Variants in TMEM33 observed in about 807,000 individuals in gnomAD.
The protein encoded by TMEM33 is transmembrane protein 33.
TMEM33 carries 16 observed loss-of-function variants against 29.7 expected under a neutral mutation model. The ratio of observed to expected loss-of-function variants is 0.54; its 90% CI spans 0.36 to 0.82. The LOEUF (loss-of-function observed/expected upper bound fraction) is 0.82, where lower values mean the gene tolerates loss of function less well. Among genes scored for constraint, TMEM33 ranks in the 40% least tolerant of loss-of-function variants. TMEM33 has a pLI of 0.00. For synonymous variants in TMEM33, 112 were observed against 109.4 expected, an observed-to-expected ratio of 1.02 and a Z score of -0.15; for missense variants, 252 against 295.3, an observed-to-expected ratio of 0.85 and a Z score of 1.08.
At position 41,958,117 on chromosome 4, in the gene TMEM33, A is replaced by G. The variant is rs112895928; in HGVS notation, c.*3918A>G. ...CAACCTCTGCCTCCCGGATTCAAGCAATTCTCCTTCAGCCCTCCAAGTAGC... is the reference window on the plus strand; with the variant it reads ...CAACCTCTGCCTCCCGGATTCAAGCGATTCTCCTTCAGCCCTCCAAGTAGC... On this transcript the variant is annotated 3_prime_UTR_variant, in exon 7 of 7. Transcript: ENST00000504986. 4,334 of 152,138 alleles carry G rather than the reference A, an allele frequency of 0.028. 103 individuals are homozygous for G. Among genetic ancestry groups the G allele is most frequent in the African/African-American group, 0.055 (2,284 of 41,414 alleles). The allele number at this position is 152,138 out of a possible 1,614,324, so 9.4% of individuals were successfully genotyped here.
intron 1 of TMEM33, 87 bp downstream of exon 1, chr4:41,935,616 G>T: frequency 7.4e-7 from 1 of 1,346,962 alleles, no homozygotes; most frequent in Non-Finnish European, 1.0e-6. Flanking sequence ...CGTTCCAGAA[G>T]CTCAGTGCAT....
At chr4:41,939,139 GA>G in intron 2 of TMEM33, 56 bp from the exon 3 acceptor site, 1 of 1,485,518 alleles carries the variant, frequency 6.7e-7, no homozygotes, top group East Asian at 2.3e-5. Flanking sequence ...CACAAAGGAG[GA>G]AGAGACACTG....
At chr4:41,937,494 A>ATT (rs554085954) in intron 1 of TMEM33, among the ~76,000 whole-genome samples, 1 of 151,446 alleles carries the variant, frequency 6.6e-6, no homozygotes, top group African/African-American at 2.4e-5. Context: ...AATTTTTTAT[A>ATT]TTTTTTTTTC....
At chr4:41,935,179 G>T, upstream of TMEM33, 1 of 503,706 alleles carries the variant, frequency 2.0e-6, no homozygotes, top group Non-Finnish European at 3.5e-6. Context: ...GGCGTAGGTT[G>T]GCTCTTTAGG....
At chr4:41,946,832 T>C (rs182145836) in intron 5 of TMEM33, among the ~76,000 whole-genome samples, 2 of 152,322 alleles carry the variant, frequency 1.3e-5, no homozygotes, top group East Asian at 3.9e-4. Flanking sequence ...AGGAACTTTT[T>C]GCTCCCTTTT....
chr4:41,949,462 GTTAC>G, intron 6 of TMEM33, 77 bp downstream of exon 6: 2 of 1,188,858 alleles, frequency 1.7e-6, no homozygotes, highest in Non-Finnish European at 2.4e-6. Flanking sequence ...ATTCTTAAGA[GTTAC>G]TTAGCTAATG....
chr4:41,940,036 G>A (rs1712447630), intron 3 of TMEM33, among the ~76,000 whole-genome samples: 1 of 132,790 alleles, frequency 7.5e-6, no homozygotes, highest in Non-Finnish European at 1.6e-5. Context: ...TGAACACTAG[G>A]TTAAACTTTC....
intron 5 of TMEM33, among the ~76,000 whole-genome samples, chr4:41,946,080 T>G (rs1291935263): frequency 1.3e-5 from 2 of 150,354 alleles, no homozygotes; most frequent in Non-Finnish European, 3.0e-5. Flanking sequence ...CAGTTCTGTT[T>G]TTTTTTTTTT....
chr4:41,955,492 T>G lies in TMEM33; in HGVS notation c.*1293T>G, dbSNP rs536462633. 3 of 152,754 alleles carry G rather than the reference T, an allele frequency of 2.0e-5. No individual in the cohort carries two copies. Among genetic ancestry groups the G allele is most frequent in the Admixed American group, 2.0e-4 (3 of 15,304 alleles). 9.5% of individuals were successfully genotyped at this position (152,754 alleles called of 1,614,324 possible). A position where few individuals can be genotyped will look rare whatever the true frequency, so the allele number is the denominator to read the frequency against. On this transcript the variant is annotated 3_prime_UTR_variant, in exon 7 of 7. Coordinates refer to ENST00000504986, the MANE Select transcript of TMEM33 (RefSeq NM_018126.3). Reference sequence around the variant, plus strand: ...GAAATGTAATGGTTTTTGTGACCAGTTTCTGTCTGCATGTAATTTGGATTT... The same window carrying G: ...GAAATGTAATGGTTTTTGTGACCAGGTTCTGTCTGCATGTAATTTGGATTT...
At position 41,956,854 on chromosome 4, in the gene TMEM33, C is replaced by G. The variant is rs1237472680; in HGVS notation, c.*2655C>G. ...TTACTAGATGTTTAGTTTGCATGAACTCATAGTTAGAAATTCTGCAATAGG... is the reference window on the plus strand; with the variant it reads ...TTACTAGATGTTTAGTTTGCATGAAGTCATAGTTAGAAATTCTGCAATAGG... On this transcript the variant is annotated 3_prime_UTR_variant, in exon 7 of 7. Transcript: ENST00000504986. The G allele has an allele frequency of 6.6e-6, 1 of 151,952 alleles. No homozygotes were observed. Among genetic ancestry groups the G allele is most frequent in the Admixed American group, 6.6e-5 (1 of 15,266 alleles). The allele number at this position is 151,952 out of a possible 1,614,324, so 9.4% of individuals were successfully genotyped here.
rs1022737849 is a variant in TMEM33, at chr4:41,957,668, A to C, written c.*3469A>C. Reference sequence around the variant, plus strand: ...GAGATTGAGGTAAAGAACCTTAACTAATGCTAAGGAGTTTATTTTGATTAA... The same window carrying C: ...GAGATTGAGGTAAAGAACCTTAACTCATGCTAAGGAGTTTATTTTGATTAA... On this transcript the variant is annotated 3_prime_UTR_variant, in exon 7 of 7. Transcript: ENST00000504986. 2.0e-5 allele frequency: 3 copies of C among 152,052 alleles called. No homozygotes were observed. The highest frequency in any genetic ancestry group is 7.3e-5 in the African/African-American group (3 of 41,370). 9.4% of individuals were successfully genotyped at this position (152,052 alleles called of 1,614,324 possible).
At position 41,958,182 on chromosome 4, in the gene TMEM33, T is replaced by TG. The variant is rs2153128638; in HGVS notation, c.*3984dup. ...CCCGCCACCATGCCCAGCTAGTTTT[T>TG]GTATTTTTAGTAGAGATGAGGTTTC... On this transcript the variant is annotated 3_prime_UTR_variant, in exon 7 of 7. Transcript: ENST00000504986. The TG allele has an allele frequency of 6.6e-6, 1 of 152,398 alleles. No homozygotes were observed. The highest frequency in any genetic ancestry group is 2.4e-5 in the African/African-American group (1 of 41,572). 9.4% of individuals were successfully genotyped at this position (152,398 alleles called of 1,614,324 possible).
intron 1 of TMEM33, among the ~76,000 whole-genome samples, chr4:41,938,378 T>G (rs1292126498): frequency 1.3e-5 from 2 of 152,266 alleles, no homozygotes; most frequent in Admixed American, 1.3e-4. Flanking sequence ...TATTTCTGTT[T>G]AAGTACTTCT....
At chr4:41,944,726 A>G in intron 4 of TMEM33, 67 bp from the exon 5 acceptor site, 1 of 1,568,978 alleles carries the variant, frequency 6.4e-7, no homozygotes, top group East Asian at 2.3e-5. Flanking sequence ...CTGTTTACCT[A>G]CAGAAAGAAA....
intron 6 of TMEM33, among the ~76,000 whole-genome samples, chr4:41,952,793 A>G (rs1577655846): frequency 6.6e-6 from 1 of 152,140 alleles, no homozygotes; most frequent in African/African-American, 2.4e-5. Context: ...TTTATTGAGC[A>G]TCTTCCATAT....
At chr4:41,947,374 TAATG>T (rs1399096986) in intron 5 of TMEM33, among the ~76,000 whole-genome samples, 1 of 152,196 alleles carries the variant, frequency 6.6e-6, no homozygotes, top group Non-Finnish European at 1.5e-5. Flanking sequence ...AAAATAATTT[TAATG>T]AAATTCTGAG....
Position 41,943,773 on chromosome 4 carries a change from T to C in TMEM33, c.355T>C (p.Ser119Pro), listed in dbSNP as rs748120295. The change falls in exon 4 of 7, where the codon TCT (serine) becomes CCT (proline). Residue 119 changes from serine (S) to proline (P), a missense_variant. Transcript: ENST00000504986. Reference sequence around the variant, plus strand: ...GAGTATCTTCCCAGTCTTGTTATTCTCTTTGCTTCATGCTGCCACATATAC... The same window carrying C: ...GAGTATCTTCCCAGTCTTGTTATTCCCTTTGCTTCATGCTGCCACATATAC... Reference protein sequence around the residue: ...TMSIFPVLLFSLLHAATYTKK... With the variant: ...TMSIFPVLLFPLLHAATYTKK... The C allele has an allele frequency of 1.2e-6, 2 of 1,613,982 alleles. No individual in the cohort carries two copies. Among genetic ancestry groups the C allele is most frequent in the South Asian group, 2.2e-5 (2 of 91,070 alleles).
At chr4:41,938,153 C>T (rs1248736596) in intron 1 of TMEM33, among the ~76,000 whole-genome samples, 1 of 152,146 alleles carries the variant, frequency 6.6e-6, no homozygotes, top group African/African-American at 2.4e-5. Flanking sequence ...GCTCTGAGAC[C>T]TACCTATTCG....
At chr4:41,947,475 A>G (rs547951869) in intron 5 of TMEM33, among the ~76,000 whole-genome samples, 7 of 152,322 alleles carry the variant, frequency 4.6e-5, no homozygotes, top group South Asian at 2.1e-4. Flanking sequence ...GCGTTGGTAC[A>G]TTAATTCAAT....
Sources: allele counts gnomAD v4.1 joint callset (sites outside exome capture counted in the v4.1 genomes callset), GRCh38; gene constraint gnomAD v4.1.1; transcripts MANE v1.5; gene names NCBI Gene and HGNC (gene_info 2026-07-23, HGNC 2026-07-21).